The following CISTR variants were observed in gnomAD, a reference collection of about 807,000 sequenced individuals.
The protein encoded by CISTR is chondrogenesis-associated transcript, also known as chondrogenic regulator lncRNA.
At chr12:53,746,592 A>AT (rs1305701371) in exon 3 of CISTR, among the ~76,000 whole-genome samples, 1 of 152,200 alleles carries the variant, frequency 6.6e-6, no homozygotes, top group Admixed American at 6.5e-5. Context: ...GGGCGATGGC[A>AT]TTTCAGGGAC....
rs535160704 is a variant in CISTR at position 53,756,240 on chromosome 12, C to T, written n.414+574G>A. Among the ~76,000 whole-genome samples the T allele has an allele frequency of 3.3e-5, 5 of 152,046 alleles. No homozygotes were observed. Among genetic ancestry groups the T allele is most frequent in the Non-Finnish European group, 4.4e-5 (3 of 68,024 alleles). On this transcript the variant is annotated intron_variant and non_coding_transcript_variant, in intron 1 of 2. Coordinates refer to ENST00000669269, the Ensembl canonical transcript of CISTR. This position sits in a 1 kb window ranked among gnomAD's most constrained non-coding sequence, Gnocchi z 4.0. ...TTCTACCATCCCCTTTTCTGGCTCT[C>T]GAGGTAAGTTCTTTGGGGATGAAGC...
rs145854545 is a variant in CISTR, at chr12:53,748,304, C to A, written n.1064-1456G>T. 6.1e-3 allele frequency among the ~76,000 whole-genome samples: 933 copies of A among 152,314 alleles called. 8 individuals are homozygous for A. Among genetic ancestry groups the A allele is most frequent in the African/African-American group, 0.021 (877 of 41,564 alleles). ...TCCAAGCCCTCCGCGCCAGCGCCCC[C>A]CCAACTCCATCCCCAACACTGCGGG... On this transcript the variant is annotated intron_variant and non_coding_transcript_variant, in intron 2 of 2. Coordinates refer to ENST00000669269, the Ensembl canonical transcript of CISTR.
intron 2 of CISTR, among the ~76,000 whole-genome samples, chr12:53,748,561 C>T (rs1333762294): frequency 6.6e-6 from 1 of 152,102 alleles, no homozygotes. Flanking sequence ...AGAGGAGCAT[C>T]CAGAGAGCAG....
chr12:53,752,298 G>T (rs890421211), intron 1 of CISTR, among the ~76,000 whole-genome samples: 3 of 152,216 alleles, frequency 2.0e-5, no homozygotes, highest in African/African-American at 7.2e-5. Context: ...CTTCTGGACC[G>T]ATCCAACCAG....
At chr12:53,753,236 T>C (rs1218433598) in intron 1 of CISTR, among the ~76,000 whole-genome samples, 2 of 152,164 alleles carry the variant, frequency 1.3e-5, no homozygotes, top group African/African-American at 2.4e-5. Context: ...TTCCCCTGTG[T>C]GTGCTGCCCA....
intron 1 of CISTR, among the ~76,000 whole-genome samples, chr12:53,754,023 T>C (rs1339745399): frequency 6.6e-6 from 1 of 151,990 alleles, no homozygotes; most frequent in African/African-American, 2.4e-5. Flanking sequence ...GAACCATGGC[T>C]AGGTGGAGAC....
chr12:53,748,813 C>CA (rs1173320413), intron 2 of CISTR, among the ~76,000 whole-genome samples: 8 of 151,926 alleles, frequency 5.3e-5, no homozygotes, highest in African/African-American at 1.9e-4. Flanking sequence ...GATGGGTTTC[C>CA]AAGGAGAAAG....
chr12:53,748,265 C>T (rs149845005), intron 2 of CISTR, among the ~76,000 whole-genome samples: 1 of 152,196 alleles, frequency 6.6e-6, no homozygotes, highest in Non-Finnish European at 1.5e-5. Context: ...AAGGGCCGCC[C>T]GCCCTCTTCC....
intron 2 of CISTR, among the ~76,000 whole-genome samples, chr12:53,749,549 C>CT (rs35197896): frequency 0.6 from 89,687 of 149,990 alleles, 27,777 homozygotes; most frequent in East Asian, 0.87. Flanking sequence ...TTCTTTCTTT[C>CT]TTTTTTTTTA....
rs115482930 is a variant in CISTR at position 53,754,964 on chromosome 12, C to T, written n.414+1850G>A. ...AAGACCCTGTCCTCTCCTGCCTTTG[C>T]ACTCCTTCCCTCTCTCCAGGACTGG... is the stretch of plus-strand genomic sequence containing the variant. On this transcript the variant is annotated intron_variant and non_coding_transcript_variant, in intron 1 of 2. Transcript: ENST00000669269. Among the ~76,000 whole-genome samples, 568 of 152,318 alleles carry T rather than the reference C, an allele frequency of 3.7e-3. 4 individuals carry two copies. Among genetic ancestry groups the T allele is most frequent in the African/African-American group, 0.013 (547 of 41,568 alleles).
intron 1 of CISTR, among the ~76,000 whole-genome samples, chr12:53,753,103 C>T (rs1413138367): frequency 3.4e-5 from 5 of 146,986 alleles, no homozygotes; most frequent in African/African-American, 7.6e-5. Flanking sequence ...GAGAGACACA[C>T]GTGTCCTTTG....
chr12:53,746,943 C>G (rs1214517965), intron 2 of CISTR, among the ~76,000 whole-genome samples: 1 of 152,248 alleles, frequency 6.6e-6, no homozygotes, highest in Non-Finnish European at 1.5e-5. Flanking sequence ...CATTCACAAC[C>G]TCTTCAAAGC....
In CISTR at chr12:53,756,616, G is replaced by A. The variant is rs1017040140; in HGVS notation, n.414+198C>T. 6.6e-6 allele frequency among the ~76,000 whole-genome samples: 1 copy of A among 152,176 alleles called. No homozygotes were observed. Among genetic ancestry groups the A allele is most frequent in the African/African-American group, 2.4e-5 (1 of 41,430 alleles). On this transcript the variant is annotated intron_variant and non_coding_transcript_variant, in intron 1 of 2. Transcript: ENST00000669269. The surrounding 1 kb of genome is among the most constrained non-coding windows in gnomAD (Gnocchi z 4.0). ...TGGAGAGGGCAGGTAACCTGCTCAA[G>A]GTTATGTATGTAAGTGGTGAGCTGG...
At position 53,755,310 on chromosome 12, in the gene CISTR, T is replaced by G. The variant is rs148284857; in HGVS notation, n.414+1504A>C. Among the ~76,000 whole-genome samples the G allele has an allele frequency of 2.1e-3, 242 of 113,874 alleles. 2 individuals carry two copies. The highest frequency in any genetic ancestry group is 4.6e-3 in the South Asian group (19 of 4,100). 74.7% of individuals were successfully genotyped at this position (113,874 alleles called of 152,430 possible). A position where few individuals can be genotyped will look rare whatever the true frequency, so the allele number is the denominator to read the frequency against. The stretch of plus-strand genomic sequence containing the variant: ...ACGGCTTTCCTTTTCCTGTTTGGGG[T>G]GTGTGTGTGTGTGTGTGTGTGTGTG... On this transcript the variant is annotated intron_variant and non_coding_transcript_variant, in intron 1 of 2. Coordinates refer to ENST00000669269, the Ensembl canonical transcript of CISTR.
chr12:53,750,108 C>T (rs1329371949), intron 2 of CISTR, among the ~76,000 whole-genome samples: 1 of 152,168 alleles, frequency 6.6e-6, no homozygotes, highest in African/African-American at 2.4e-5. Context: ...TTACAGTCAT[C>T]CTCCCTGCCA....
chr12:53,751,235 C>T lies in CISTR; in HGVS notation n.415-270G>A, dbSNP rs1448082157. On this transcript the variant is annotated intron_variant and non_coding_transcript_variant, in intron 1 of 2. Transcript: ENST00000669269. This position sits in a 1 kb window ranked among gnomAD's most constrained non-coding sequence, Gnocchi z 4.6. ...CCCGCCGCCCCTCCTCTGAGCCCTGCGGCCCGGCCTTCCGCACCTCCCAAC... is the reference window on the plus strand; with the variant it reads ...CCCGCCGCCCCTCCTCTGAGCCCTGTGGCCCGGCCTTCCGCACCTCCCAAC... Among the ~76,000 whole-genome samples, 3 of 152,198 alleles carry T rather than the reference C, an allele frequency of 2.0e-5. No homozygotes were observed. Among genetic ancestry groups the T allele is most frequent in the Non-Finnish European group, 2.9e-5 (2 of 68,028 alleles).
chr12:53,752,263 C>A (rs1483400263), intron 1 of CISTR, among the ~76,000 whole-genome samples: 12 of 152,238 alleles, frequency 7.9e-5, no homozygotes, highest in Admixed American at 7.9e-4. Flanking sequence ...TTGGGCATTG[C>A]TCCCGCACCC....
chr12:53,748,368 C>T (rs1369390303), intron 2 of CISTR, among the ~76,000 whole-genome samples: 2 of 152,088 alleles, frequency 1.3e-5, no homozygotes, highest in African/African-American at 4.8e-5. Flanking sequence ...ATGACGGACA[C>T]ACAGACAGGG....
intron 2 of CISTR, among the ~76,000 whole-genome samples, chr12:53,747,304 A>T (rs762724314): frequency 1.3e-5 from 2 of 152,088 alleles, no homozygotes; most frequent in African/African-American, 2.4e-5. Context: ...GGCATATTTG[A>T]CAGATGCTGA....
Sources: gnomAD v4.1 joint callset for allele counts (sites outside exome capture counted in the v4.1 genomes callset) on GRCh38, gnomAD v4.1.1 for gene constraint, Gnocchi (gnomAD v3.1) non-coding constraint, MANE v1.5 for transcripts, NCBI Gene and HGNC (gene_info 2026-07-23, HGNC 2026-07-21) for gene names.